Variants in ESRRG observed in about 807,000 individuals in gnomAD.
ESRRG encodes the protein estrogen related receptor gamma.
In ESRRG, 13 loss-of-function variants were observed where a neutral mutation model predicts 44.0. The observed-to-expected ratio is 0.30, with a 90% CI of 0.19 to 0.47. ESRRG has a LOEUF of 0.47. Ranked by LOEUF, ESRRG falls within the 20% of genes least tolerant of loss-of-function variation. ESRRG has a pLI of 1.00. For synonymous variants in ESRRG, 215 were observed against 214.6 expected (o/e 1.00, Z -0.02); for missense variants, 395 against 580.6 (o/e 0.68, Z 3.29).
intron 2 of ESRRG, among the ~76,000 whole-genome samples, chr1:216,803,554 C>T (rs1358154727): frequency 7.9e-5 from 12 of 152,042 alleles, no homozygotes; most frequent in Admixed American, 7.9e-4. Flanking sequence ...ACTAATATCC[C>T]TTAGATTTTT....
At chr1:216,512,028 A>G (rs2148797499) in intron 6 of ESRRG, among the ~76,000 whole-genome samples, 1 of 152,334 alleles carries the variant, frequency 6.6e-6, no homozygotes, top group South Asian at 2.1e-4. Flanking sequence ...CAAATAAGAG[A>G]TAAGAGAAAG....
chr1:216,505,066 C>T lies in ESRRG; in HGVS notation c.*1873G>A, dbSNP rs2040965348. 6.6e-6 allele frequency: 1 copy of T among 152,586 alleles called. No individual in the cohort carries two copies. 9.5% of individuals were successfully genotyped at this position (152,586 alleles called of 1,614,324 possible). ...TCAGAAAAGCACAGCAAACATGAAA[C>T]ATTGAAAAGCTGAACTACATTTCTT... On this transcript the variant is annotated 3_prime_UTR_variant, in exon 7 of 7. Transcript: ENST00000408911.
chr1:216,974,047 G>A (rs1360217792), intron 1 of ESRRG, among the ~76,000 whole-genome samples: 2 of 152,022 alleles, frequency 1.3e-5, no homozygotes, highest in Non-Finnish European at 2.9e-5. Flanking sequence ...TGTAACTTTT[G>A]AGCTTACAAT....
At chr1:216,888,650 G>A (rs2057372376) in intron 2 of ESRRG, among the ~76,000 whole-genome samples, 1 of 152,138 alleles carries the variant, frequency 6.6e-6, no homozygotes, top group Non-Finnish European at 1.5e-5. Context: ...CAGAATCACA[G>A]AAATATTCTT....
chr1:216,819,492 C>T (rs772813954), intron 2 of ESRRG, among the ~76,000 whole-genome samples: 29 of 152,216 alleles, frequency 1.9e-4, no homozygotes, highest in Non-Finnish European at 3.5e-4. Flanking sequence ...TCACATTTCA[C>T]TTCATGGAAT....
intron 1 of ESRRG, among the ~76,000 whole-genome samples, chr1:217,084,005 G>A (rs2091925735): frequency 6.6e-6 from 1 of 152,062 alleles, no homozygotes; most frequent in Non-Finnish European, 1.5e-5. Context: ...AAAATCACGT[G>A]GGATTGCTTG....
At chr1:217,107,677 G>A (rs80274742) in intron 1 of ESRRG, among the ~76,000 whole-genome samples, 3,032 of 152,212 alleles carry the variant, frequency 0.02, 109 homozygotes, top group African/African-American at 0.069. Flanking sequence ...ACTTAATGCT[G>A]AAATGTATGA....
chr1:217,104,866 A>G (rs2092566924), intron 1 of ESRRG, among the ~76,000 whole-genome samples: 1 of 152,228 alleles, frequency 6.6e-6, no homozygotes, highest in Non-Finnish European at 1.5e-5. Context: ...CAGATGTATC[A>G]TAACTCTCTT....
At chr1:216,976,363 C>G in intron 1 of ESRRG, among the ~76,000 whole-genome samples, 1 of 151,220 alleles carries the variant, frequency 6.6e-6, no homozygotes, top group Non-Finnish European at 1.5e-5. Context: ...TCCACTCCAA[C>G]CTCCATAGCT....
chr1:217,006,492 T>A (rs1337109162), intron 1 of ESRRG, among the ~76,000 whole-genome samples: 1 of 152,134 alleles, frequency 6.6e-6, no homozygotes, highest in East Asian at 1.9e-4. Context: ...ACGTTGGAAC[T>A]GGCTTAATAA....
intron 1 of ESRRG, among the ~76,000 whole-genome samples, chr1:217,118,349 T>C (rs1022506313): frequency 7.9e-5 from 12 of 152,192 alleles, no homozygotes; most frequent in African/African-American, 2.9e-4. Context: ...CTGCAGTTAC[T>C]GAATAACTGT....
intron 1 of ESRRG, among the ~76,000 whole-genome samples, chr1:217,002,323 G>GAAA (rs10714133): frequency 8.6e-6 from 1 of 116,926 alleles, no homozygotes; most frequent in Non-Finnish European, 2.0e-5. Flanking sequence ...AAGAAAGAAA[G>GAAA]AAAAAAAAAA....
chr1:216,780,863 G>A (rs1450257397), intron 2 of ESRRG, among the ~76,000 whole-genome samples: 1 of 151,980 alleles, frequency 6.6e-6, no homozygotes, highest in African/African-American at 2.4e-5. Context: ...AGGTTAAAAT[G>A]TGAAACAAAG....
intron 5 of ESRRG, among the ~76,000 whole-genome samples, chr1:216,533,665 A>G (rs1464344241): frequency 6.6e-6 from 1 of 152,158 alleles, no homozygotes. Context: ...ACTCGATAAT[A>G]GGCAGGGTAT....
intron 1 of ESRRG, among the ~76,000 whole-genome samples, chr1:216,706,794 T>C (rs2082546047): frequency 6.6e-6 from 1 of 152,192 alleles, no homozygotes; most frequent in African/African-American, 2.4e-5. Context: ...ACTTCACTAA[T>C]CATCTAATTA....
chr1:217,072,230 T>C (rs1281233279), intron 1 of ESRRG, among the ~76,000 whole-genome samples: 2 of 152,212 alleles, frequency 1.3e-5, no homozygotes, highest in Non-Finnish European at 2.9e-5. Flanking sequence ...ACCACAGTTA[T>C]CATCACCACC....
intron 1 of ESRRG, among the ~76,000 whole-genome samples, chr1:217,066,473 C>T (rs1478148103): frequency 6.6e-6 from 1 of 151,940 alleles, no homozygotes; most frequent in Non-Finnish European, 1.5e-5. Flanking sequence ...GATCTCCTGA[C>T]CTCGTGATCC....
At chr1:216,609,769 A>T (rs971097490) in intron 3 of ESRRG, among the ~76,000 whole-genome samples, 2 of 152,254 alleles carry the variant, frequency 1.3e-5, no homozygotes, top group Admixed American at 1.3e-4. Flanking sequence ...TTATTGACGC[A>T]TTAGTTAACA....
rs549497714 is a variant in ESRRG at position 216,766,383 on chromosome 1, T to C, written c.-13-88892A>G. Among the ~76,000 whole-genome samples the C allele has an allele frequency of 3.3e-5, 5 of 151,922 alleles. No individual in the cohort carries two copies. In the East Asian group the frequency reaches 9.7e-4, roughly 29 times the overall value. The stretch of plus-strand genomic sequence containing the variant: ...AATGTAAGGAGAGAGTGGGCGAAAA[T>C]CATCCCTGACTTTTCCTTGATTCTT... On this transcript the variant is annotated intron_variant, in intron 2 of 7. Coordinates refer to the ESRRG transcript ENST00000359162.
Sources: gnomAD v4.1 joint callset for allele counts (sites outside exome capture counted in the v4.1 genomes callset) on GRCh38, gnomAD v4.1.1 for gene constraint, MANE v1.5 for transcripts, NCBI Gene and HGNC (gene_info 2026-07-23, HGNC 2026-07-21) for gene names.